The following TMEM116 variants were observed in gnomAD, a reference collection of about 807,000 sequenced individuals.
TMEM116 encodes transmembrane protein 116.
A neutral mutation model predicts 44.3 loss-of-function variants in TMEM116; 38 were observed. That is an observed-to-expected ratio of 0.86 (90% CI 0.66 to 1.12). TMEM116 has a LOEUF of 1.12. TMEM116 is among the 50% of genes most tolerant of loss of function. TMEM116 has a pLI of 0.00. For synonymous variants in TMEM116, 132 were observed against 144.8 expected, an observed-to-expected ratio of 0.91 and a Z score of 0.64; for missense variants, 354 against 401.7, an observed-to-expected ratio of 0.88 and a Z score of 1.01.
chr12:111,940,480 T>TACACACACACAC lies in TMEM116; in HGVS notation c.316-2282_316-2271dup, dbSNP rs145433427. On this transcript the variant is annotated intron_variant, in intron 5 of 10. Coordinates refer to ENST00000552374, the MANE Select transcript of TMEM116 (RefSeq NM_001193531.2). The stretch of plus-strand genomic sequence containing the variant: ...TGCCCCCCACATATATATATATACA[T>TACACACACACAC]ACACACACACACACACACATATATA... Among the ~76,000 whole-genome samples the TACACACACACAC allele has an allele frequency of 4.5e-3, 580 of 128,912 alleles. 14 individuals carry two copies. Among genetic ancestry groups the TACACACACACAC allele is most frequent in the East Asian group, 0.025 (87 of 3,492 alleles). 84.6% of individuals were successfully genotyped at this position (128,912 alleles called of 152,430 possible). A position where few individuals can be genotyped will look rare whatever the true frequency, so the allele number is the denominator to read the frequency against.
intron 3 of TMEM116, among the ~76,000 whole-genome samples, chr12:111,997,589 C>A (rs1440333669): frequency 2.6e-5 from 4 of 151,826 alleles, no homozygotes; most frequent in Non-Finnish European, 1.5e-5. Flanking sequence ...ACAAAAAAAA[C>A]AAACAGAACA....
chr12:111,995,117 C>T (rs1001499250), intron 3 of TMEM116, among the ~76,000 whole-genome samples: 3 of 152,176 alleles, frequency 2.0e-5, no homozygotes, highest in African/African-American at 7.2e-5. Flanking sequence ...CAAAATCCTG[C>T]ATGCAATTTT....
intron 9 of TMEM116, 194 bp from the exon 10 acceptor site, chr12:111,932,853 A>G (rs2071771760): frequency 1.7e-6 from 1 of 587,684 alleles, no homozygotes; most frequent in Non-Finnish European, 3.0e-6. Context: ...AACTTTGTAG[A>G]TTATTAGTGT....
rs142958716 is a variant in TMEM116, at chr12:111,970,175, A to C, written c.210+21583T>G. Among the ~76,000 whole-genome samples, 484 of 151,914 alleles carry C rather than the reference A, an allele frequency of 3.2e-3. 2 individuals are homozygous for C. The highest frequency in any genetic ancestry group is 5.1e-3 in the Non-Finnish European group (348 of 67,954). ...GTGCCTGTAATCCTAGATACTTGGG[A>C]GGCTGAGGCATAAGAATCACTTGAA... On this transcript the variant is annotated intron_variant, in intron 4 of 10. Transcript: ENST00000552374.
chr12:111,941,943 A>AT (rs1400990246), intron 5 of TMEM116, among the ~76,000 whole-genome samples: 1 of 151,974 alleles, frequency 6.6e-6, no homozygotes, highest in Non-Finnish European at 1.5e-5. Flanking sequence ...TTTTATTTTT[A>AT]TTTTTATTTT....
In TMEM116 at chr12:112,008,246, G is replaced by T. The variant is rs1360537292; in HGVS notation, c.-33-2943C>A. On this transcript the variant is annotated intron_variant, in intron 1 of 10. Coordinates refer to ENST00000552374, the MANE Select transcript of TMEM116 (RefSeq NM_001193531.2). ...ACCTGTAATCCCAACACTTTCGGAG[G>T]CCGAGGCGTGTGGATCACAAGGTCA... 2.6e-5 allele frequency among the ~76,000 whole-genome samples: 4 copies of T among 152,182 alleles called. No homozygotes were observed. The East Asian group carries it at 7.7e-4, about 29-fold the overall frequency.
At chr12:112,001,508 G>A (rs1341688739) in intron 3 of TMEM116, among the ~76,000 whole-genome samples, 1 of 152,132 alleles carries the variant, frequency 6.6e-6, no homozygotes, top group Non-Finnish European at 1.5e-5. Flanking sequence ...ATTTTTGGTT[G>A]TCACAACTAA....
intron 4 of TMEM116, among the ~76,000 whole-genome samples, chr12:111,943,930 C>T (rs185584913): frequency 6.6e-6 from 1 of 152,282 alleles, no homozygotes; most frequent in East Asian, 1.9e-4. Context: ...CATTATCCAC[C>T]TCTACCTGCC....
At chr12:112,002,393 CAAAAA>C (rs1160168400) in intron 3 of TMEM116, among the ~76,000 whole-genome samples, 2 of 66,928 alleles carry the variant, frequency 3.0e-5, no homozygotes, top group East Asian at 4.2e-4. Flanking sequence ...AACTCTGTCT[CAAAAA>C]AAAAAAAAAA....
At chr12:111,954,061 C>A (rs941033290) in intron 4 of TMEM116, among the ~76,000 whole-genome samples, 12 of 150,874 alleles carry the variant, frequency 8.0e-5, no homozygotes, top group Non-Finnish European at 1.6e-4. Context: ...TAATTACACG[C>A]CAATAAAGCT....
At chr12:111,962,752 T>C (rs1229753842) in intron 4 of TMEM116, among the ~76,000 whole-genome samples, 1 of 152,182 alleles carries the variant, frequency 6.6e-6, no homozygotes, top group Non-Finnish European at 1.5e-5. Flanking sequence ...GACATAGGCA[T>C]GGGCAAAGAC....
At chr12:111,958,742 A>C (rs1228652355) in intron 4 of TMEM116, among the ~76,000 whole-genome samples, 1 of 152,214 alleles carries the variant, frequency 6.6e-6, no homozygotes, top group Non-Finnish European at 1.5e-5. Context: ...GGAAGAAAGG[A>C]TATCAGAGAT....
intron 3 of TMEM116, among the ~76,000 whole-genome samples, chr12:112,002,833 A>G (rs905065154): frequency 3.3e-5 from 5 of 152,224 alleles, no homozygotes; most frequent in African/African-American, 1.2e-4. Context: ...CATTTTCCAC[A>G]TATAAAAGCT....
intron 4 of TMEM116, among the ~76,000 whole-genome samples, chr12:111,950,554 C>T (rs1045331384): frequency 5.9e-5 from 9 of 151,586 alleles, no homozygotes; most frequent in East Asian, 5.8e-4. Context: ...TGATCTTCGA[C>T]GAAGCTGACA....
chr12:112,000,822 C>T (rs1158975070), intron 3 of TMEM116: 8 of 508,636 alleles, frequency 1.6e-5, no homozygotes, highest in South Asian at 4.4e-5. Flanking sequence ...AGATTGAATA[C>T]GGTTCATTAG....
At chr12:111,966,111 G>A (rs2074964085) in intron 4 of TMEM116, among the ~76,000 whole-genome samples, 1 of 152,184 alleles carries the variant, frequency 6.6e-6, no homozygotes, top group South Asian at 2.1e-4. Context: ...TTTGAGACCA[G>A]TCTGGCCAAC....
At chr12:111,971,024 A>G (rs1267339335) in intron 4 of TMEM116, among the ~76,000 whole-genome samples, 4 of 152,242 alleles carry the variant, frequency 2.6e-5, no homozygotes, top group Non-Finnish European at 4.4e-5. Context: ...AAGTGCAGTA[A>G]CATGTTTAAA....
chr12:112,003,855 C>T lies in TMEM116; in HGVS notation c.23G>A (p.Gly8Asp). Residue 8 changes from glycine (G) to aspartate (D), a missense_variant, in exon 3 of 11, where the codon GGT becomes GAT. By Grantham distance (94) the Gly-to-Asp change is moderately conservative (BLOSUM62 -1). Transcript: ENST00000552374. The stretch of plus-strand genomic sequence containing the variant: ...AGCATAGGCAATAAGTGAACTTGAA[C>T]CTATAACACTGAGAAATTTAGAAGA... MATLSVI[G>D]SSSLIAYAVF... 2 of 1,505,782 alleles carry T rather than the reference C, an allele frequency of 1.3e-6. No homozygotes were observed. Among genetic ancestry groups the T allele is most frequent in the Non-Finnish European group, 1.8e-6 (2 of 1,137,046 alleles). The allele number at this position is 1,505,782 out of a possible 1,614,324, so 93.3% of individuals were successfully genotyped here.
intron 4 of TMEM116, among the ~76,000 whole-genome samples, chr12:111,969,827 A>AC (rs2075227772): frequency 6.6e-6 from 1 of 151,656 alleles, no homozygotes; most frequent in Non-Finnish European, 1.5e-5. Context: ...TGATCCACCC[A>AC]CCTCAGCCTC....
Sources: gnomAD v4.1 joint callset for allele counts (sites outside exome capture counted in the v4.1 genomes callset) on GRCh38, gnomAD v4.1.1 for gene constraint, MANE v1.5 for transcripts, NCBI Gene and HGNC (gene_info 2026-07-23, HGNC 2026-07-21) for gene names.